Variants in SEMA3A observed in about 807,000 individuals in gnomAD.
The protein encoded by SEMA3A is semaphorin 3A, also known as semaphorin-3A.
SEMA3A carries 29 observed loss-of-function variants against 97.9 expected under a neutral mutation model. The ratio of observed to expected loss-of-function variants is 0.30; its 90% CI spans 0.22 to 0.40. The LOEUF (loss-of-function observed/expected upper bound fraction) is 0.40. SEMA3A is among the 10% of genes least tolerant of loss of function. The probability of loss-of-function intolerance (pLI) is 1.00; values close to 1 mark genes in which losing one functional copy is unlikely to be tolerated. For missense variants in SEMA3A, 763 were observed against 951.3 expected (o/e 0.80, Z 2.60); for synonymous variants, 321 against 323.7 (o/e 0.99, Z 0.09).
At chr7:84,057,762 A>AAATAAATT (rs1168041211) in intron 5 of SEMA3A, among the ~76,000 whole-genome samples, 11 of 150,776 alleles carry the variant, frequency 7.3e-5, no homozygotes, top group Admixed American at 2.0e-4. Flanking sequence ...ATAAATAAAT[A>AAATAAATT]AATAAATAAA....
At chr7:84,325,881 T>G (rs896967660) in intron 2 of SEMA3A, among the ~76,000 whole-genome samples, 1 of 152,060 alleles carries the variant, frequency 6.6e-6, no homozygotes, top group Non-Finnish European at 1.5e-5. Flanking sequence ...TAAGAGAACA[T>G]TTGTATCCTC....
chr7:84,475,686 G>A (rs116831081), intron 1 of SEMA3A, among the ~76,000 whole-genome samples: 21 of 152,236 alleles, frequency 1.4e-4, no homozygotes, highest in African/African-American at 5.1e-4. Context: ...CTAGTGCTGA[G>A]CAAATAATTT....
chr7:84,151,563 A>T (rs1796672397), intron 1 of SEMA3A, among the ~76,000 whole-genome samples: 1 of 152,132 alleles, frequency 6.6e-6, no homozygotes, highest in Non-Finnish European at 1.5e-5. Flanking sequence ...AGAAATGAGC[A>T]AAGCCTCCAA....
At chr7:84,116,443 A>T (rs1191677005) in intron 3 of SEMA3A, among the ~76,000 whole-genome samples, 4 of 152,184 alleles carry the variant, frequency 2.6e-5, no homozygotes, top group Non-Finnish European at 5.9e-5. Flanking sequence ...GTTTGAAAAG[A>T]AGTCAAATGC....
intron 1 of SEMA3A, among the ~76,000 whole-genome samples, chr7:84,433,392 C>T (rs568652568): frequency 6.6e-6 from 1 of 152,132 alleles, no homozygotes; most frequent in South Asian, 2.1e-4. Flanking sequence ...CATGTCCCTG[C>T]AAAAGACATG....
intron 1 of SEMA3A, among the ~76,000 whole-genome samples, chr7:84,469,046 G>T (rs1234638717): frequency 2.0e-5 from 3 of 152,008 alleles, no homozygotes; most frequent in Non-Finnish European, 4.4e-5. Flanking sequence ...GAAAATTGAT[G>T]ATTTCATTTA....
At position 84,011,201 on chromosome 7, in the gene SEMA3A, T is replaced by C. The variant is rs771204984; in HGVS notation, c.907A>G (p.Thr303Ala). 2.5e-6 allele frequency: 4 copies of C among 1,613,256 alleles called. No individual in the cohort carries two copies. Among genetic ancestry groups the C allele is most frequent in the Non-Finnish European group, 3.4e-6 (4 of 1,179,240 alleles). The change falls in exon 8 of 17, where the codon ACT becomes GCT. Residue 303 changes from threonine (T) to alanine (A), a missense_variant. By Grantham distance (58) the Thr-to-Ala change is moderately conservative. Transcript: ENST00000265362. ...CSVPGPNGID[T>A]HFDELQDVFL... ...TTCTTACGCAGTTCATCAAAATGAGTGTCAATGCCATTTGGACCTGGCACT... is the reference window on the plus strand; with the variant it reads ...TTCTTACGCAGTTCATCAAAATGAGCGTCAATGCCATTTGGACCTGGCACT...
chr7:84,452,944 T>C (rs1805595649), intron 1 of SEMA3A, among the ~76,000 whole-genome samples: 2 of 152,180 alleles, frequency 1.3e-5, no homozygotes, highest in South Asian at 4.1e-4. Flanking sequence ...CTTTATACAC[T>C]GTCAGAGTCT....
chr7:84,487,003 C>A (rs1406866575), intron 1 of SEMA3A, among the ~76,000 whole-genome samples: 2 of 151,972 alleles, frequency 1.3e-5, no homozygotes, highest in Non-Finnish European at 2.9e-5. Flanking sequence ...AGTAATAAAA[C>A]AAAAGTGAAG....
intron 4 of SEMA3A, among the ~76,000 whole-genome samples, chr7:84,068,119 T>C (rs1348673625): frequency 1.5e-5 from 2 of 133,228 alleles, no homozygotes; most frequent in African/African-American, 3.2e-5. Context: ...TCATGTCCTT[T>C]GTAGGGACAT....
At chr7:84,188,257 T>G (rs371360963) in intron 1 of SEMA3A, among the ~76,000 whole-genome samples, 1 of 152,058 alleles carries the variant, frequency 6.6e-6, no homozygotes. Context: ...TTGCTTATCT[T>G]CATTCCCCAA....
intron 14 of SEMA3A, among the ~76,000 whole-genome samples, chr7:83,978,398 G>A (rs1789257205): frequency 6.6e-6 from 1 of 152,164 alleles, no homozygotes; most frequent in Non-Finnish European, 1.5e-5. Flanking sequence ...TGGGAAGGAG[G>A]AGGTAGGCTG....
At chr7:84,134,005 G>T (rs1336779085) in intron 2 of SEMA3A, among the ~76,000 whole-genome samples, 1 of 151,800 alleles carries the variant, frequency 6.6e-6, no homozygotes, top group Non-Finnish European at 1.5e-5. Flanking sequence ...GAGTTGCAGT[G>T]AGCCAAGATC....
At chr7:84,333,412 T>C (rs1163588343) in intron 2 of SEMA3A, among the ~76,000 whole-genome samples, 1 of 152,112 alleles carries the variant, frequency 6.6e-6, no homozygotes, top group East Asian at 1.9e-4. Flanking sequence ...TTTAGCCTCA[T>C]CATTTACTTC....
chr7:84,217,649 T>TA (rs1039916634), intron 3 of SEMA3A, among the ~76,000 whole-genome samples: 3 of 152,072 alleles, frequency 2.0e-5, no homozygotes, highest in African/African-American at 7.2e-5. Context: ...TTAAAAACTT[T>TA]AAAGTATCTT....
chr7:84,483,744 C>G (rs1018331450), intron 1 of SEMA3A, among the ~76,000 whole-genome samples: 1 of 144,372 alleles, frequency 6.9e-6, no homozygotes, highest in Non-Finnish European at 1.5e-5. Flanking sequence ...CCATATCATA[C>G]TAATTAAAAA....
At chr7:84,308,173 T>C (rs1017353393) in intron 2 of SEMA3A, among the ~76,000 whole-genome samples, 2 of 152,122 alleles carry the variant, frequency 1.3e-5, no homozygotes, top group East Asian at 1.9e-4. Flanking sequence ...TTGGGAACTA[T>C]AGAATATTTC....
intron 15 of SEMA3A, 66 bp downstream of exon 15, chr7:83,977,066 A>G: frequency 1.1e-6 from 1 of 892,668 alleles, no homozygotes. Flanking sequence ...ATGCATATGC[A>G]TGAATATGCA....
chr7:84,250,857 A>G (rs1327043816), intron 3 of SEMA3A, among the ~76,000 whole-genome samples: 1 of 152,220 alleles, frequency 6.6e-6, no homozygotes, highest in Middle Eastern at 3.2e-3. Context: ...GCTTAAAAAA[A>G]TCTATTAGGC....
Sources: gnomAD v4.1 joint callset for allele counts (sites outside exome capture counted in the v4.1 genomes callset) on GRCh38, gnomAD v4.1.1 for gene constraint, MANE v1.5 for transcripts, NCBI Gene and HGNC (gene_info 2026-07-23, HGNC 2026-07-21) for gene names.